Variants in STXBP3 observed in about 807,000 individuals in gnomAD.
The protein encoded by STXBP3 is syntaxin-binding protein 3.
A neutral mutation model predicts 85.7 loss-of-function variants in STXBP3; 41 were observed. The ratio of observed to expected loss-of-function variants is 0.48; its 90% confidence interval spans 0.37 to 0.62. STXBP3 has a LOEUF of 0.62. Among genes scored for constraint, STXBP3 ranks in the 20% least tolerant of loss-of-function variants. STXBP3 has a pLI of 0.00. For missense variants in STXBP3, 563 were observed against 703.1 expected (o/e 0.80, Z 2.25); for synonymous variants, 229 against 231.7 (o/e 0.99, Z 0.10).
At chr1:108,754,863 A>G (rs1248547980) in intron 3 of STXBP3, among the ~76,000 whole-genome samples, 2 of 152,120 alleles carry the variant, frequency 1.3e-5, no homozygotes, top group African/African-American at 2.4e-5. Flanking sequence ...CTGCTGTGGG[A>G]TACCTTTGAT....
intron 15 of STXBP3, among the ~76,000 whole-genome samples, chr1:108,796,967 A>AT (rs1663116707): frequency 6.6e-6 from 1 of 152,022 alleles, no homozygotes; most frequent in African/African-American, 2.4e-5. Flanking sequence ...TGTCTTTATG[A>AT]TTCATTTATA....
intron 1 of STXBP3, among the ~76,000 whole-genome samples, chr1:108,749,292 A>G (rs1234987393): frequency 1.3e-5 from 2 of 152,234 alleles, no homozygotes; most frequent in Non-Finnish European, 2.9e-5. Flanking sequence ...AGTAGTTTTC[A>G]GGGTGCTGTA....
rs200660781 is a variant in STXBP3 at position 108,801,657 on chromosome 1, A to T, written c.1535+1352A>T. On this transcript the variant is annotated intron_variant, in intron 17 of 18. Coordinates refer to ENST00000370008, the MANE Select transcript of STXBP3 (RefSeq NM_007269.4). ...TTCTTAAGTCTCCCTCCTTTTTTTAATTTTTTTTTTTTTTTTAAATAGAGG... is the reference window on the plus strand; with the variant it reads ...TTCTTAAGTCTCCCTCCTTTTTTTATTTTTTTTTTTTTTTTTAAATAGAGG... Among the ~76,000 whole-genome samples, 1,402 of 142,568 alleles carry T rather than the reference A, an allele frequency of 9.8e-3. 45 individuals are homozygous for T. The East Asian group carries it at 0.11, about 11-fold the overall frequency. The allele number at this position is 142,568 out of a possible 152,430, so 93.5% of individuals were successfully genotyped here. A position where few individuals can be genotyped will look rare whatever the true frequency, so the allele number is the denominator to read the frequency against.
intron 3 of STXBP3, 118 bp from the exon 4 acceptor site, chr1:108,756,572 T>C: frequency 2.0e-6 from 1 of 493,506 alleles, no homozygotes; most frequent in Non-Finnish European, 3.3e-6. Context: ...TTTGTTTTCA[T>C]ATTATTTGTA....
At chr1:108,794,002 A>G (rs892392566) in intron 12 of STXBP3, among the ~76,000 whole-genome samples, 4 of 152,224 alleles carry the variant, frequency 2.6e-5, no homozygotes, top group Non-Finnish European at 5.9e-5. Context: ...ATTTAAGAGC[A>G]TTTAAGCTGT....
intron 18 of STXBP3, 105 bp downstream of exon 18, chr1:108,807,654 G>A (rs553767667): frequency 8.0e-6 from 9 of 1,123,844 alleles, no homozygotes; most frequent in Non-Finnish European, 9.8e-6. Context: ...TTGGCTCACC[G>A]CAACCTCCGC....
intron 13 of STXBP3, among the ~76,000 whole-genome samples, chr1:108,795,822 G>A (rs1663078268): frequency 6.6e-6 from 1 of 152,182 alleles, no homozygotes. Flanking sequence ...TGTCATCAGT[G>A]TTCCATTAAA....
intron 6 of STXBP3, among the ~76,000 whole-genome samples, chr1:108,764,334 T>C (rs1020869543): frequency 1.3e-5 from 2 of 152,212 alleles, no homozygotes; most frequent in African/African-American, 4.8e-5. Context: ...ATGTCTTTGC[T>C]ATTGTGAATA....
rs1424283066 is a variant in STXBP3, at chr1:108,796,750, A to G, written c.1356+24A>G. ...AAGTAAGAAGTCTTATGTTGTGTAT[A>G]TACTTTATATGTATGTGTATGTATG... On this transcript the variant is annotated intron_variant, in intron 15 of 18. Coordinates refer to ENST00000370008, the MANE Select transcript of STXBP3 (RefSeq NM_007269.4). The G allele has an allele frequency of 4.4e-6, 7 of 1,583,324 alleles. No homozygotes were observed. The East Asian group carries it at 6.7e-5, about 15-fold the overall frequency.
chr1:108,783,150 G>T (rs1662750850), intron 11 of STXBP3, among the ~76,000 whole-genome samples: 1 of 152,192 alleles, frequency 6.6e-6, no homozygotes, highest in African/African-American at 2.4e-5. Context: ...TTGGTGCTGG[G>T]ATTACAGGTG....
At position 108,793,622 on chromosome 1, in the gene STXBP3, C is replaced by T; in HGVS notation, c.1004C>T (p.Pro335Leu). The change falls in exon 12 of 19, where the codon CCC becomes CTC. Residue 335 changes from proline (P) to leucine (L), a missense_variant. By Grantham distance (98) the Pro-to-Leu change is moderately conservative. Around this residue, in one of 3 missense-constraint regions of STXBP3, gnomAD observed 494 missense variants for 592.8 expected, o/e 0.83. Transcript: ENST00000370008. ...CTTACCCAGCTGATGAAAAAGATGC[C>T]CCATTTCCGAAAACAGATTACTAAG... is the stretch of plus-strand genomic sequence containing the variant. ...SALTQLMKKM[P>L]HFRKQITKQV... 1 of 1,612,006 alleles carries T rather than the reference C, an allele frequency of 6.2e-7. No individual in the cohort carries two copies. Among genetic ancestry groups the T allele is most frequent in the Non-Finnish European group, 8.5e-7 (1 of 1,178,724 alleles).
At chr1:108,788,653 T>C (rs1361416872) in intron 11 of STXBP3, among the ~76,000 whole-genome samples, 1 of 152,218 alleles carries the variant, frequency 6.6e-6, no homozygotes, top group Non-Finnish European at 1.5e-5. Flanking sequence ...AATTTGTCTA[T>C]TATATCTAAA....
chr1:108,803,430 C>CA (rs1663271062), intron 17 of STXBP3, among the ~76,000 whole-genome samples: 1 of 152,264 alleles, frequency 6.6e-6, no homozygotes, highest in South Asian at 2.1e-4. Flanking sequence ...CGTGTGGGCT[C>CA]AGTTTCTTTC....
intron 7 of STXBP3, among the ~76,000 whole-genome samples, chr1:108,774,449 A>T (rs1053294782): frequency 3.9e-5 from 6 of 152,122 alleles, no homozygotes; most frequent in South Asian, 2.1e-4. Flanking sequence ...TGAACTGTTT[A>T]ATTTTAAATT....
intron 11 of STXBP3, among the ~76,000 whole-genome samples, chr1:108,793,017 G>A (rs894453400): frequency 1.3e-5 from 2 of 152,012 alleles, no homozygotes; most frequent in African/African-American, 4.8e-5. Flanking sequence ...ACACCTTTGA[G>A]GGTTATGCCC....
At chr1:108,752,935 GATC>G in intron 2 of STXBP3, 125 bp from the exon 3 acceptor site, 5 of 560,998 alleles carry the variant, frequency 8.9e-6, no homozygotes, top group Admixed American at 3.8e-5. Flanking sequence ...TAAAAGATGA[GATC>G]ATTTTGCCTA....
rs1662668237 is a variant in STXBP3, at chr1:108,779,422, T to C, written c.809+12T>C. On this transcript the variant is annotated intron_variant, in intron 9 of 18. Transcript: ENST00000370008. ...AATGATACATACAAGCAAGTATAAC[T>C]TGAAGGGCATATAAAGGGCATATAC... 1 of 1,606,966 alleles carries C rather than the reference T, an allele frequency of 6.2e-7. No homozygotes were observed. Among genetic ancestry groups the C allele is most frequent in the Non-Finnish European group, 8.5e-7 (1 of 1,176,478 alleles).
chr1:108,763,941 C>T (rs1367697523), intron 6 of STXBP3, among the ~76,000 whole-genome samples: 4 of 152,020 alleles, frequency 2.6e-5, no homozygotes, highest in East Asian at 1.9e-4. Context: ...TATAGGTAAA[C>T]TCATGTCAAG....
chr1:108,789,845 C>T (rs957232544), intron 11 of STXBP3, among the ~76,000 whole-genome samples: 2 of 152,146 alleles, frequency 1.3e-5, no homozygotes, highest in East Asian at 1.9e-4. Flanking sequence ...GCAGGCGAAT[C>T]ACATGTGGCT....
Sources: allele counts gnomAD v4.1 joint callset (sites outside exome capture counted in the v4.1 genomes callset), GRCh38; gene constraint gnomAD v4.1.1; regional missense constraint gnomAD v4.1.1; transcripts MANE v1.5; gene names NCBI Gene and HGNC (gene_info 2026-07-23, HGNC 2026-07-21).